Variants in CHD9NB observed in about 807,000 individuals in gnomAD.
CHD9NB encodes CHD9 neighbor protein.
At chr16:53,048,096 A>G in the CHD9NB span, among the ~76,000 whole-genome samples, 1 of 152,076 alleles carries the variant, frequency 6.6e-6, no homozygotes, top group South Asian at 2.1e-4. Flanking sequence ...AAAAAAATCA[A>G]ATTTACTGTT....
chr16:53,042,914 T>C, the CHD9NB span: 2 of 152,268 alleles, frequency 1.3e-5, no homozygotes, highest in South Asian at 2.1e-4. Context: ...ATCTATAAAA[T>C]GGGAGTAGTT....
chr16:53,038,550 C>A, the CHD9NB span, among the ~76,000 whole-genome samples: 1 of 152,118 alleles, frequency 6.6e-6, no homozygotes, highest in Non-Finnish European at 1.5e-5. Flanking sequence ...GAGGTTTTGC[C>A]ATGTTGGCCA....
chr16:53,052,658 G>A, the CHD9NB span: 3 of 152,512 alleles, frequency 2.0e-5, no homozygotes, highest in Non-Finnish European at 4.4e-5. Flanking sequence ...GGGGCACAGT[G>A]GTGGGGAGGG....
the CHD9NB span, among the ~76,000 whole-genome samples, chr16:53,038,426 C>T: frequency 6.6e-6 from 1 of 152,196 alleles, no homozygotes; most frequent in Admixed American, 6.5e-5. Context: ...AGGCTCACTG[C>T]AACCTCTGCC....
chr16:53,041,556 G>C, the CHD9NB span, among the ~76,000 whole-genome samples: 4,406 of 152,092 alleles, frequency 0.029, 200 homozygotes, highest in African/African-American at 0.093. Context: ...AACTTCGAAG[G>C]ACCTAAAGCT....
the CHD9NB span, among the ~76,000 whole-genome samples, chr16:53,045,086 A>G: frequency 6.6e-6 from 1 of 152,010 alleles, no homozygotes; most frequent in Admixed American, 6.6e-5. Context: ...GGTGCATGCC[A>G]CCATGCCCAG....
chr16:53,050,548 G>T, the CHD9NB span, among the ~76,000 whole-genome samples: 1 of 152,114 alleles, frequency 6.6e-6, no homozygotes, highest in Non-Finnish European at 1.5e-5. Flanking sequence ...GGGATTTTTG[G>T]AAAGAGTCAA....
the CHD9NB span, among the ~76,000 whole-genome samples, chr16:53,037,241 C>A: frequency 6.6e-6 from 1 of 152,112 alleles, no homozygotes; most frequent in African/African-American, 2.4e-5. Context: ...GCCTCAAATG[C>A]TTTAAAATTA....
the CHD9NB span, among the ~76,000 whole-genome samples, chr16:53,051,744 T>G: frequency 7.0e-6 from 1 of 143,762 alleles, no homozygotes; most frequent in Non-Finnish European, 1.5e-5. Context: ...ATTGTGCACC[T>G]GTACCCTACA....
the CHD9NB span, among the ~76,000 whole-genome samples, chr16:53,041,616 C>A: frequency 6.6e-6 from 1 of 152,116 alleles, no homozygotes; most frequent in African/African-American, 2.4e-5. Flanking sequence ...CCCTCAGGAG[C>A]TAGTGAAATA....
At chr16:53,038,382 C>T in the CHD9NB span, among the ~76,000 whole-genome samples, 2 of 152,320 alleles carry the variant, frequency 1.3e-5, no homozygotes, top group African/African-American at 4.8e-5. Context: ...GAGCCTCACT[C>T]TGTCACCTAG....
the CHD9NB span, among the ~76,000 whole-genome samples, chr16:53,045,190 T>C: frequency 6.6e-6 from 1 of 152,188 alleles, no homozygotes; most frequent in South Asian, 2.1e-4. Context: ...CTCGAATTCC[T>C]GGGTTCAAGC....
At chr16:53,041,639 C>T in the CHD9NB span, among the ~76,000 whole-genome samples, 1 of 152,192 alleles carries the variant, frequency 6.6e-6, no homozygotes, top group Non-Finnish European at 1.5e-5. Flanking sequence ...GGCAGCCCCA[C>T]CTCAAAGCCT....
the CHD9NB span, among the ~76,000 whole-genome samples, chr16:53,038,682 CT>C: frequency 2.0e-5 from 3 of 152,042 alleles, no homozygotes; most frequent in Non-Finnish European, 2.9e-5. Context: ...CACACCCCCC[CT>C]GCACCCCCTG....
chr16:53,044,168 A>T, the CHD9NB span: 27 of 398,690 alleles, frequency 6.8e-5, no homozygotes, highest in South Asian at 1.5e-3. Context: ...TCTCAGAGGG[A>T]CACAGAGGAT....
the CHD9NB span, among the ~76,000 whole-genome samples, chr16:53,049,428 G>A: frequency 4.6e-5 from 7 of 151,250 alleles, no homozygotes; most frequent in East Asian, 1.9e-4. Flanking sequence ...CTCCTGCCTC[G>A]GTCTCCCAAA....
At chr16:53,040,197 G>C in the CHD9NB span, among the ~76,000 whole-genome samples, 1 of 152,024 alleles carries the variant, frequency 6.6e-6, no homozygotes, top group Non-Finnish European at 1.5e-5. Flanking sequence ...AGCCTCCAAA[G>C]TAGCTGGGAT....
At chr16:53,036,845 C>G in the CHD9NB span, among the ~76,000 whole-genome samples, 2 of 152,204 alleles carry the variant, frequency 1.3e-5, no homozygotes, top group Non-Finnish European at 2.9e-5. Flanking sequence ...TCCCTTTTGC[C>G]TTTTGAAACC....
the CHD9NB span, among the ~76,000 whole-genome samples, chr16:53,045,431 C>G: frequency 3.3e-5 from 5 of 152,154 alleles, no homozygotes; most frequent in African/African-American, 7.2e-5. Context: ...CTTAGTGAAG[C>G]CTCGTGTTCT....
Sources: allele counts gnomAD v4.1 joint callset (sites outside exome capture counted in the v4.1 genomes callset), GRCh38; gene constraint gnomAD v4.1.1; transcripts MANE v1.5; gene names NCBI Gene and HGNC (gene_info 2026-07-23, HGNC 2026-07-21).